PARD3B: variants seen among roughly 807,000 people sequenced by gnomAD.
PARD3B encodes the protein partitioning defective 3 homolog B.
In PARD3B, 103 loss-of-function variants were observed where a neutral mutation model predicts 130.2. The ratio of observed to expected loss-of-function variants is 0.79; its 90% CI spans 0.67 to 0.93. PARD3B has a LOEUF of 0.93. PARD3B is among the 40% of genes least tolerant of loss of function. The probability of loss-of-function intolerance (pLI) is 0.00; values close to 1 mark genes in which losing one functional copy is unlikely to be tolerated. For synonymous variants in PARD3B, 583 were observed against 553.2 expected, an observed-to-expected ratio of 1.05 and a Z score of -0.76; for missense variants, 1,609 against 1,499.2, an observed-to-expected ratio of 1.07 and a Z score of -1.21.
At chr2:205,432,039 A>G (rs997222930) in intron 19 of PARD3B, among the ~76,000 whole-genome samples, 1 of 152,184 alleles carries the variant, frequency 6.6e-6, no homozygotes, top group African/African-American at 2.4e-5. Context: ...TCATCTTTTT[A>G]GGTAGATGAA....
At chr2:204,994,899 C>A (rs1317317443) in intron 3 of PARD3B, among the ~76,000 whole-genome samples, 5 of 151,812 alleles carry the variant, frequency 3.3e-5, no homozygotes, top group African/African-American at 4.8e-5. Flanking sequence ...ACTAGGATTG[C>A]AACCCCTGCC....
chr2:205,594,668 T>C (rs1435410355), intron 22 of PARD3B, among the ~76,000 whole-genome samples: 1 of 152,146 alleles, frequency 6.6e-6, no homozygotes, highest in Non-Finnish European at 1.5e-5. Context: ...AAAACTGAAT[T>C]TTTATGTGAA....
chr2:205,044,475 C>T (rs2125404891), intron 3 of PARD3B, among the ~76,000 whole-genome samples: 1 of 148,864 alleles, frequency 6.7e-6, no homozygotes, highest in South Asian at 2.2e-4. Flanking sequence ...CTGTTGTTTC[C>T]TGACTTTTTA....
In PARD3B at chr2:205,011,999, A is replaced by G. The variant is rs1250250249; in HGVS notation, c.395-35582A>G. On this transcript the variant is annotated intron_variant, in intron 3 of 22. Coordinates refer to ENST00000406610, the MANE Select transcript of PARD3B (RefSeq NM_001302769.2). The surrounding 1 kb of genome is among the most constrained non-coding windows in gnomAD (Gnocchi z 4.1). Reference sequence around the variant, plus strand: ...TGGGCATTTTACAGGCTTTCTACCCATCCTCTTGCCATCAGCCCCACCCTG... The same window carrying G: ...TGGGCATTTTACAGGCTTTCTACCCGTCCTCTTGCCATCAGCCCCACCCTG... Among the ~76,000 whole-genome samples, 2 of 152,074 alleles carry G rather than the reference A, an allele frequency of 1.3e-5. No individual in the cohort carries two copies. Among genetic ancestry groups the G allele is most frequent in the African/African-American group, 4.8e-5 (2 of 41,400 alleles).
chr2:204,853,657 A>C (rs7589405), intron 2 of PARD3B, among the ~76,000 whole-genome samples: 1 of 145,738 alleles, frequency 6.9e-6, no homozygotes, highest in Non-Finnish European at 1.5e-5. Context: ...ACAAAGAAAA[A>C]GAAACAGAGG....
chr2:204,720,486 A>C (rs1005039127), intron 2 of PARD3B, among the ~76,000 whole-genome samples: 2 of 152,226 alleles, frequency 1.3e-5, no homozygotes, highest in Admixed American at 6.5e-5. Flanking sequence ...TTATCAGTCA[A>C]CTGGGAAAAG....
intron 2 of PARD3B, among the ~76,000 whole-genome samples, chr2:204,901,515 G>T (rs13002966): frequency 6.6e-6 from 1 of 151,460 alleles, no homozygotes; most frequent in African/African-American, 2.4e-5. Flanking sequence ...GTATGGAGCC[G>T]GTCCAGAAAT....
At chr2:205,547,216 G>A (rs2052417108) in intron 21 of PARD3B, among the ~76,000 whole-genome samples, 1 of 152,122 alleles carries the variant, frequency 6.6e-6, no homozygotes, top group African/African-American at 2.4e-5. Context: ...AAGCATGACA[G>A]CATAAGACAG....
chr2:205,583,400 T>TGTGCGC (rs1192785640), intron 22 of PARD3B, among the ~76,000 whole-genome samples: 5 of 133,890 alleles, frequency 3.7e-5, no homozygotes, highest in South Asian at 2.3e-4. Context: ...TGTGTGTGTG[T>TGTGCGC]GCGCGCGCAC....
intron 1 of PARD3B, among the ~76,000 whole-genome samples, chr2:204,581,742 T>C (rs1291225730): frequency 6.6e-6 from 1 of 152,122 alleles, no homozygotes; most frequent in Non-Finnish European, 1.5e-5. Flanking sequence ...GGCACAAAAA[T>C]GTTAGTTATC....
chr2:204,565,630 A>T (rs911213820), intron 1 of PARD3B, among the ~76,000 whole-genome samples: 1 of 152,188 alleles, frequency 6.6e-6, no homozygotes, highest in Non-Finnish European at 1.5e-5. Context: ...AAAAATTTTT[A>T]ATTTTTGGAT....
intron 14 of PARD3B, among the ~76,000 whole-genome samples, chr2:205,188,844 G>A (rs2036241196): frequency 6.6e-6 from 1 of 150,616 alleles, no homozygotes; most frequent in South Asian, 2.1e-4. Flanking sequence ...TTGGAGGGAT[G>A]AGGCTAATCT....
chr2:205,281,977 A>G lies in PARD3B; in HGVS notation c.2186-18553A>G, dbSNP rs1346630310. ...TTGTTCACTTTGTTGAAAATTTCCC[A>G]TTCGTTTTCTAATTATCAAAAATGT... is the stretch of plus-strand genomic sequence containing the variant. On this transcript the variant is annotated intron_variant, in intron 16 of 22. Transcript: ENST00000406610. The surrounding 1 kb of genome is among the most constrained non-coding windows in gnomAD (Gnocchi z 4.2). Among the ~76,000 whole-genome samples, 3 of 152,180 alleles carry G rather than the reference A, an allele frequency of 2.0e-5. No individual in the cohort carries two copies. The highest frequency in any genetic ancestry group is 1.3e-4 in the Admixed American group (2 of 15,272).
intron 15 of PARD3B, among the ~76,000 whole-genome samples, chr2:205,211,453 T>A (rs773617696): frequency 5.3e-5 from 8 of 152,114 alleles, no homozygotes; most frequent in Non-Finnish European, 8.8e-5. Flanking sequence ...ACAGACAGTA[T>A]CTTATTTCTG....
chr2:205,588,218 T>C (rs1473899605), intron 22 of PARD3B, among the ~76,000 whole-genome samples: 1 of 152,252 alleles, frequency 6.6e-6, no homozygotes, highest in Non-Finnish European at 1.5e-5. Flanking sequence ...AATTCTTTCA[T>C]TGAAAGCACA....
rs895068260 is a variant in PARD3B, at chr2:205,585,289, G to T, written c.3261-30167G>T. Among the ~76,000 whole-genome samples, 3 of 152,122 alleles carry T rather than the reference G, an allele frequency of 2.0e-5. No homozygotes were observed. The highest frequency in any genetic ancestry group is 2.9e-5 in the Non-Finnish European group (2 of 68,014). On this transcript the variant is annotated intron_variant, in intron 22 of 22. Coordinates refer to ENST00000406610, the MANE Select transcript of PARD3B (RefSeq NM_001302769.2). This position sits in a 1 kb window ranked among gnomAD's most constrained non-coding sequence, Gnocchi z 5.4. ...GTCTTGGGCTTTTAAGTGAATTGGG[G>T]CTAACAAAATCCACACTGTCAACCT...
chr2:204,839,406 A>G (rs2125584705), intron 2 of PARD3B, among the ~76,000 whole-genome samples: 1 of 152,312 alleles, frequency 6.6e-6, no homozygotes, highest in South Asian at 2.1e-4. Flanking sequence ...CTTAAGTATT[A>G]TATATGTAAA....
intron 2 of PARD3B, among the ~76,000 whole-genome samples, chr2:204,911,299 A>G: frequency 6.6e-6 from 1 of 152,188 alleles, no homozygotes; most frequent in East Asian, 1.9e-4. Flanking sequence ...AAATAATTCA[A>G]TACGATAATG....
At chr2:205,364,375 G>A (rs181439181) in intron 18 of PARD3B, among the ~76,000 whole-genome samples, 160 of 152,116 alleles carry the variant, frequency 1.1e-3, no homozygotes, top group African/African-American at 3.6e-3. Flanking sequence ...TGTTTCCTTT[G>A]TCCCCTATTA....
Sources: gnomAD v4.1 joint callset for allele counts (sites outside exome capture counted in the v4.1 genomes callset) on GRCh38, gnomAD v4.1.1 for gene constraint, Gnocchi (gnomAD v3.1) non-coding constraint, MANE v1.5 for transcripts, NCBI Gene and HGNC (gene_info 2026-07-23, HGNC 2026-07-21) for gene names.